Variants in RHPN1 observed in about 807,000 individuals in gnomAD.
RHPN1 encodes rhophilin-1.
In RHPN1, 77 loss-of-function variants were observed where a neutral mutation model predicts 74.7. The ratio of observed to expected loss-of-function variants is 1.03; its 90% confidence interval spans 0.86 to 1.25. The LOEUF (loss-of-function observed/expected upper bound fraction) is 1.25, where lower values mean the gene tolerates loss of function less well. Among genes scored for constraint, RHPN1 ranks in the 50% most tolerant of loss-of-function variants. The pLI, the probability that RHPN1 is intolerant of heterozygous loss-of-function variation, is 0.00. For synonymous variants in RHPN1, 444 were observed against 414.5 expected (o/e 1.07, Z -0.87); for missense variants, 987 against 932.2 (o/e 1.06, Z -0.77).
intron 1 of RHPN1, 113 bp downstream of exon 1, chr8:143,369,160 C>G: frequency 3.8e-6 from 3 of 781,674 alleles, no homozygotes; most frequent in Non-Finnish European, 5.6e-6. Context: ...TCGGCCCGGA[C>G]GCAGGCAGGG....
In RHPN1 at chr8:143,379,819, C is replaced by A; in HGVS notation, c.946-10C>A. ...GGAGGCCCTCGCGTGCCTGCCACAT[C>A]CACCGGCAGGTGGCAGCCGAGTACA... On this transcript the variant is annotated splice_polypyrimidine_tract_variant and intron_variant, in intron 8 of 14. Coordinates refer to ENST00000289013, the MANE Select transcript of RHPN1 (RefSeq NM_052924.3). 1 of 1,605,220 alleles carries A rather than the reference C, an allele frequency of 6.2e-7. No individual in the cohort carries two copies. Among genetic ancestry groups the A allele is most frequent in the Non-Finnish European group, 8.5e-7 (1 of 1,175,900 alleles).
At chr8:143,379,804 G>A (rs757816230) in intron 8 of RHPN1, 25 bp from the exon 9 acceptor site, 24 of 1,592,192 alleles carry the variant, frequency 1.5e-5, no homozygotes, top group Admixed American at 5.1e-5. Flanking sequence ...GGAGGCCCTC[G>A]CGTGCCTGCC....
chr8:143,364,962 C>T (rs1322829208), upstream of RHPN1, among the ~76,000 whole-genome samples: 1 of 152,146 alleles, frequency 6.6e-6, no homozygotes, highest in Non-Finnish European at 1.5e-5. This position sits in a 1 kb window ranked among gnomAD's most constrained non-coding sequence, Gnocchi z 4.5. Flanking sequence ...CTGCGTGCAG[C>T]GGGAGAGCGT....
chr8:143,378,231 CAG>C, intron 4 of RHPN1, 36 bp from the exon 5 acceptor site: 3 of 1,523,288 alleles, frequency 2.0e-6, no homozygotes, highest in Non-Finnish European at 1.8e-6. Flanking sequence ...AGGCCAGGCA[CAG>C]GGGTACTGTG....
intron 5 of RHPN1, 127 bp from the exon 6 acceptor site, chr8:143,378,569 C>T (rs1372775409): frequency 6.1e-6 from 8 of 1,308,974 alleles, no homozygotes; most frequent in Middle Eastern, 2.7e-4. Flanking sequence ...GGAGTCACGG[C>T]TGCCCAGGGC....
chr8:143,384,164 G>T lies in RHPN1; in HGVS notation c.*1513G>T, dbSNP rs561652016. 2.0e-5 allele frequency: 3 copies of T among 152,188 alleles called. No individual in the cohort carries two copies. In the East Asian group the frequency reaches 5.8e-4, roughly 30 times the overall value. The allele number at this position is 152,188 out of a possible 1,614,324, so 9.4% of individuals were successfully genotyped here. On this transcript the variant is annotated 3_prime_UTR_variant, in exon 15 of 15. Coordinates refer to ENST00000289013, the MANE Select transcript of RHPN1 (RefSeq NM_052924.3). Reference sequence around the variant, plus strand: ...CCCTGTCTCAGCAGAATGGGCCAAGGTCACGCAGGTCTCCCCAGCACGTGT... The same window carrying T: ...CCCTGTCTCAGCAGAATGGGCCAAGTTCACGCAGGTCTCCCCAGCACGTGT...
chr8:143,380,724 A>G lies in RHPN1; in HGVS notation c.1352A>G (p.Tyr451Cys), dbSNP rs574737505. Residue 451 changes from tyrosine to cysteine, a missense_variant, in exon 11 of 15, where the codon TAT (tyrosine) becomes TGT (cysteine). Tyr to Cys is a radical substitution (Grantham distance 194). Coordinates refer to ENST00000289013, the MANE Select transcript of RHPN1 (RefSeq NM_052924.3). ...SQTLQRSLAK[Y>C]AELDREDDFC... is the part of the protein sequence containing the mutation. ...ACGCTGCAGCGCTCACTGGCCAAGT[A>G]TGCGGAGCTCGACCGTGAGGATGAC... 10 of 1,595,582 alleles carry G rather than the reference A, an allele frequency of 6.3e-6. No homozygotes were observed. In the East Asian group the frequency reaches 6.8e-5, roughly 11 times the overall value.
chr8:143,365,555 G>A (rs946778416), upstream of RHPN1, among the ~76,000 whole-genome samples: 2 of 152,238 alleles, frequency 1.3e-5, no homozygotes, highest in Non-Finnish European at 2.9e-5. Context: ...GGGTGAGTCA[G>A]TCAGTCTCTC....
intron 1 of RHPN1, among the ~76,000 whole-genome samples, chr8:143,372,322 G>A (rs1172353105): frequency 6.6e-6 from 1 of 151,978 alleles, no homozygotes. Flanking sequence ...GGGGGTGGGC[G>A]GGCCTCAGGT....
chr8:143,376,990 G>C (rs1818300816), intron 3 of RHPN1, among the ~76,000 whole-genome samples: 1 of 151,598 alleles, frequency 6.6e-6, no homozygotes, highest in Non-Finnish European at 1.5e-5. Context: ...GTGCATGTCT[G>C]CGTGTATGTG....
chr8:143,368,590 T>A (rs1586795877), upstream of RHPN1: 1 of 157,000 alleles, frequency 6.4e-6, no homozygotes, highest in Non-Finnish European at 1.4e-5. Flanking sequence ...TTTCCCGAAC[T>A]TCTCCCGCAC....
intron 8 of RHPN1, 107 bp from the exon 9 acceptor site, chr8:143,379,722 G>A: frequency 6.8e-7 from 1 of 1,466,514 alleles, no homozygotes; most frequent in East Asian, 2.5e-5. Flanking sequence ...TGAGGTGCCA[G>A]GGAGGCTGCT....
intron 10 of RHPN1, 75 bp from the exon 11 acceptor site, chr8:143,380,514 T>C: frequency 7.5e-7 from 1 of 1,338,564 alleles, no homozygotes; most frequent in South Asian, 1.5e-5. Flanking sequence ...AGCCCTGGCG[T>C]TGCCCACTCC....
intron 1 of RHPN1, chr8:143,374,018 G>A: frequency 1.7e-6 from 1 of 588,956 alleles, no homozygotes; most frequent in Non-Finnish European, 2.1e-6. Flanking sequence ...TGATTTTGGG[G>A]GGCTGGACGA....
intron 10 of RHPN1, 149 bp from the exon 11 acceptor site, chr8:143,380,440 G>C: frequency 1.3e-6 from 1 of 742,186 alleles, no homozygotes; most frequent in East Asian, 2.8e-5. Context: ...GAGCCCTCCT[G>C]CACAGCCAGC....
At chr8:143,376,461 A>G (rs1464016295) in intron 2 of RHPN1, 64 bp from the exon 3 acceptor site, 116 of 1,589,372 alleles carry the variant, frequency 7.3e-5, no homozygotes, top group Non-Finnish European at 9.8e-5. Context: ...GGACGGCTGC[A>G]GTGGGCACGG....
rs1818744008 is a variant in RHPN1, at chr8:143,381,710, C to T, written c.1627C>T (p.Gln543Ter). The T allele has an allele frequency of 6.2e-7, 1 of 1,610,386 alleles. No homozygotes were observed. Among genetic ancestry groups the T allele is most frequent in the Middle Eastern group, 1.7e-4 (1 of 6,054 alleles). ...CATCGCTGCCGTCATTCCAGGGAGC[C>T]AGGCCGCGGTAAGGGCCCCGCCGGC... ...VLIAAVIPGS[Q>*]AAAAGLKEGD... is the part of the protein sequence containing the mutation. Residue 543 changes from glutamine (Q) to a stop codon, truncating the protein, a stop_gained, in exon 13 of 15, where the codon CAG (glutamine) becomes TAG (stop). Coordinates refer to ENST00000289013, the MANE Select transcript of RHPN1 (RefSeq NM_052924.3). LOFTEE classifies it high-confidence loss of function.
intron 3 of RHPN1, 44 bp from the exon 4 acceptor site, chr8:143,377,336 C>A: frequency 1.3e-6 from 2 of 1,537,668 alleles, no homozygotes; most frequent in Non-Finnish European, 1.8e-6. Context: ...CCGTGGGCAG[C>A]AGGGTTTGGC....
chr8:143,381,848 T>A lies in RHPN1; in HGVS notation c.1677T>A (p.Asn559Lys), dbSNP rs1324433895. Residue 559 changes from asparagine (N) to lysine (K), a missense_variant, in exon 14 of 15, where the codon AAT becomes AAA. Coordinates refer to ENST00000289013, the MANE Select transcript of RHPN1 (RefSeq NM_052924.3). ...AGGGCGACTACATTGTGTCAGTGAA[T>A]GGGCAGCCATGCAGGTGGTGGAGAC... ...LKEGDYIVSV[N>K]GQPCRWWRHA... 6.2e-7 allele frequency: 1 copy of A among 1,612,722 alleles called. No individual in the cohort carries two copies. Among genetic ancestry groups the A allele is most frequent in the Non-Finnish European group, 8.5e-7 (1 of 1,179,726 alleles).
Sources: allele counts gnomAD v4.1 joint callset (sites outside exome capture counted in the v4.1 genomes callset), GRCh38; gene constraint gnomAD v4.1.1; non-coding constraint Gnocchi (gnomAD v3.1); transcripts MANE v1.5; gene names NCBI Gene and HGNC (gene_info 2026-07-23, HGNC 2026-07-21).